The following RPS6KC1 variants were observed in gnomAD, a reference collection of about 807,000 sequenced individuals.
The protein encoded by RPS6KC1 is inactive ribosomal protein S6 kinase delta-1.
A neutral mutation model predicts 103.8 loss-of-function variants in RPS6KC1; 54 were observed. The observed-to-expected ratio is 0.52, with a 90% CI of 0.42 to 0.65. The LOEUF (loss-of-function observed/expected upper bound fraction) is 0.65. RPS6KC1 is among the 30% of genes least tolerant of loss of function. RPS6KC1 has a pLI of 0.00. For missense variants in RPS6KC1, 1,151 were observed against 1,253.8 expected, an observed-to-expected ratio of 0.92 and a Z score of 1.24; for synonymous variants, 439 against 438.7, an observed-to-expected ratio of 1.00 and a Z score of -0.01.
the RPS6KC1 span, among the ~76,000 whole-genome samples, chr1:213,686,981 A>T: frequency 6.6e-6 from 1 of 152,186 alleles, no homozygotes; most frequent in African/African-American, 2.4e-5. Context: ...GTAAATGGTC[A>T]TGGTGCTGGT....
At position 213,165,050 on chromosome 1, in the gene RPS6KC1, A is replaced by G. The variant is rs573158507; in HGVS notation, c.836-2808A>G. 1.9e-4 allele frequency among the ~76,000 whole-genome samples: 29 copies of G among 152,184 alleles called. No individual in the cohort carries two copies. The East Asian group carries it at 5.6e-3, about 29-fold the overall frequency. On this transcript the variant is annotated intron_variant, in intron 6 of 14. Transcript: ENST00000366960. ...TAAAGTCACATTTGTCAATAATTTG[A>G]CTAGTTAGAAATATCCTGGAAATCT...
chr1:213,465,671 A>G, the RPS6KC1 span, among the ~76,000 whole-genome samples: 2 of 152,076 alleles, frequency 1.3e-5, no homozygotes, highest in Non-Finnish European at 2.9e-5. Context: ...AAGAAATACA[A>G]TTAACTTTTT....
chr1:213,549,588 C>A, the RPS6KC1 span, among the ~76,000 whole-genome samples: 26 of 127,246 alleles, frequency 2.0e-4, no homozygotes, highest in South Asian at 6.2e-3. Context: ...TTTTCTTCTT[C>A]TTCTTCTTCT....
chr1:213,053,708 TA>T (rs1236120812), intron 1 of RPS6KC1, among the ~76,000 whole-genome samples: 1 of 151,964 alleles, frequency 6.6e-6, no homozygotes, highest in Admixed American at 6.6e-5. Context: ...TATGAAAAGG[TA>T]GACAGTTGAA....
At chr1:213,307,351 A>G in the RPS6KC1 span, among the ~76,000 whole-genome samples, 2 of 151,990 alleles carry the variant, frequency 1.3e-5, no homozygotes, top group Non-Finnish European at 2.9e-5. Flanking sequence ...GCGCCTGGCC[A>G]GGATGCAGGT....
chr1:213,719,596 G>C, the RPS6KC1 span, among the ~76,000 whole-genome samples: 2 of 152,132 alleles, frequency 1.3e-5, no homozygotes, highest in African/African-American at 4.8e-5. Flanking sequence ...GAGGCAAAAA[G>C]AGGAAGTAAA....
chr1:213,772,894 G>A, the RPS6KC1 span, among the ~76,000 whole-genome samples: 1 of 152,170 alleles, frequency 6.6e-6, no homozygotes, highest in Admixed American at 6.5e-5. Flanking sequence ...CCTGCCGTCA[G>A]CGGCCAGTTC....
chr1:213,799,684 G>A, the RPS6KC1 span, among the ~76,000 whole-genome samples: 1 of 152,188 alleles, frequency 6.6e-6, no homozygotes, highest in Non-Finnish European at 1.5e-5. Flanking sequence ...GGTGAACTGA[G>A]AGCAGTCTGA....
chr1:213,768,397 T>G, the RPS6KC1 span, among the ~76,000 whole-genome samples: 1 of 151,690 alleles, frequency 6.6e-6, no homozygotes, highest in African/African-American at 2.4e-5. Context: ...AAAAATAGAA[T>G]GAGGAGAAAG....
chr1:213,602,112 C>CTT, the RPS6KC1 span, among the ~76,000 whole-genome samples: 1 of 39,356 alleles, frequency 2.5e-5, no homozygotes, highest in Non-Finnish European at 4.7e-5. Flanking sequence ...TTCTTTCTTT[C>CTT]TTTCTTTCTC....
chr1:213,516,719 T>C, the RPS6KC1 span, among the ~76,000 whole-genome samples: 3 of 152,232 alleles, frequency 2.0e-5, no homozygotes. Context: ...CAGGCTTTGG[T>C]GTCAGGATGA....
At chr1:213,742,031 G>A in the RPS6KC1 span, among the ~76,000 whole-genome samples, 1 of 152,152 alleles carries the variant, frequency 6.6e-6, no homozygotes, top group Non-Finnish European at 1.5e-5. Flanking sequence ...AGTGCAAATT[G>A]GTTGTCTTTG....
the RPS6KC1 span, among the ~76,000 whole-genome samples, chr1:213,408,685 T>C: frequency 6.6e-6 from 1 of 152,224 alleles, no homozygotes; most frequent in Non-Finnish European, 1.5e-5. Flanking sequence ...AGCCTGTAAT[T>C]GCATAAGTCA....
At chr1:213,707,468 T>C in the RPS6KC1 span, among the ~76,000 whole-genome samples, 1 of 152,192 alleles carries the variant, frequency 6.6e-6, no homozygotes, top group Non-Finnish European at 1.5e-5. Context: ...GATGGATAGA[T>C]TGCAAAAATT....
In RPS6KC1 at chr1:213,123,180, A is replaced by C. The variant is rs546372360; in HGVS notation, c.472+5770A>C. ...TTTTGAAATGAAGAGATTTCATTTT[A>C]TGGAGGGGAGGCGGGGAGAAGACAT... On this transcript the variant is annotated intron_variant, in intron 5 of 14. Transcript: ENST00000366960. 1.1e-4 allele frequency among the ~76,000 whole-genome samples: 16 copies of C among 152,280 alleles called. No homozygotes were observed. In the South Asian group the frequency reaches 3.3e-3, roughly 32 times the overall value.
chr1:213,423,394 T>G, the RPS6KC1 span, among the ~76,000 whole-genome samples: 1 of 152,304 alleles, frequency 6.6e-6, no homozygotes, highest in South Asian at 2.1e-4. Flanking sequence ...CCTCTCATCC[T>G]TCAACCAGCC....
At chr1:213,571,063 G>C in the RPS6KC1 span, among the ~76,000 whole-genome samples, 1 of 152,152 alleles carries the variant, frequency 6.6e-6, no homozygotes, top group Non-Finnish European at 1.5e-5. Context: ...TTTAATAATT[G>C]CTTTACCGAA....
the RPS6KC1 span, among the ~76,000 whole-genome samples, chr1:213,490,068 CTTAG>C: frequency 6.6e-6 from 1 of 152,108 alleles, no homozygotes; most frequent in Non-Finnish European, 1.5e-5. Flanking sequence ...CAGTTAGTCT[CTTAG>C]TTAGGGGTTT....
chr1:213,191,454 A>C (rs2841437), intron 8 of RPS6KC1, among the ~76,000 whole-genome samples: 2,910 of 152,258 alleles, frequency 0.019, 97 homozygotes, highest in African/African-American at 0.065. Context: ...CTGTTGGCGT[A>C]TAGACATGCT....
Sources: gnomAD v4.1 joint callset for allele counts (sites outside exome capture counted in the v4.1 genomes callset) on GRCh38, gnomAD v4.1.1 for gene constraint, MANE v1.5 for transcripts, NCBI Gene and HGNC (gene_info 2026-07-23, HGNC 2026-07-21) for gene names.